The following OSBPL9 variants were observed in gnomAD, a reference collection of about 807,000 sequenced individuals.
The protein encoded by OSBPL9 is oxysterol-binding protein-related protein 9.
Under a neutral mutation model 106.6 loss-of-function variants are expected in OSBPL9, and 40 were observed. The ratio of observed to expected loss-of-function variants is 0.38; its 90% CI spans 0.29 to 0.49. The LOEUF (loss-of-function observed/expected upper bound fraction) is 0.49, where lower values mean the gene tolerates loss of function less well. Ranked by LOEUF, OSBPL9 falls within the 20% of genes least tolerant of loss-of-function variation. The pLI, the probability that OSBPL9 is intolerant of heterozygous loss-of-function variation, is 0.97. For missense variants in OSBPL9, 609 were observed against 887.2 expected, an observed-to-expected ratio of 0.69 and a Z score of 3.98; for synonymous variants, 269 against 295.4, an observed-to-expected ratio of 0.91 and a Z score of 0.92.
At chr1:51,547,640 T>G in the OSBPL9 span, among the ~76,000 whole-genome samples, 1 of 152,084 alleles carries the variant, frequency 6.6e-6, no homozygotes, top group African/African-American at 2.4e-5. Context: ...GCCGAGGAGT[T>G]TGAAACCAGC....
chr1:51,540,685 TGTG>T, the OSBPL9 span, among the ~76,000 whole-genome samples: 17,350 of 147,382 alleles, frequency 0.12, 1,036 homozygotes, highest in Middle Eastern at 0.17. Context: ...GTTGGCCAGG[TGTG>T]GTGGCTCACG....
At chr1:51,542,871 T>C in the OSBPL9 span, among the ~76,000 whole-genome samples, 1 of 152,200 alleles carries the variant, frequency 6.6e-6, no homozygotes, top group African/African-American at 2.4e-5. Flanking sequence ...TCCACTTCCT[T>C]ATCGGTAAAA....
At chr1:51,617,323 T>C in intron 1 of OSBPL9, 102 bp downstream of exon 1, 1 of 1,190,556 alleles carries the variant, frequency 8.4e-7, no homozygotes, top group South Asian at 1.6e-5. Flanking sequence ...GTTGCTAGTC[T>C]GGGGGTGCCG....
rs139228132 is a variant in OSBPL9, at chr1:51,725,425, A to G, written c.318+11346A>G. ...CAATTCCAACATCCCTGCAACATCCAAGTCTAGTTTCGATGCTTACTGTGT... is the reference window on the plus strand; with the variant it reads ...CAATTCCAACATCCCTGCAACATCCGAGTCTAGTTTCGATGCTTACTGTGT... On this transcript the variant is annotated intron_variant, in intron 4 of 23. Coordinates refer to ENST00000428468, the MANE Select transcript of OSBPL9 (RefSeq NM_024586.6). Among the ~76,000 whole-genome samples, 857 of 152,256 alleles carry G rather than the reference A, an allele frequency of 5.6e-3. 2 individuals are homozygous for G. The highest frequency in any genetic ancestry group is 0.02 in the African/African-American group (812 of 41,528).
At chr1:51,526,472 T>G in the OSBPL9 span, among the ~76,000 whole-genome samples, 2 of 152,168 alleles carry the variant, frequency 1.3e-5, no homozygotes, top group South Asian at 4.1e-4. Context: ...AATGAGGATA[T>G]TCTTACTTCT....
chr1:51,718,112 A>G (rs532223844), intron 4 of OSBPL9, among the ~76,000 whole-genome samples: 4 of 152,356 alleles, frequency 2.6e-5, no homozygotes, highest in African/African-American at 9.6e-5. Context: ...GACAGGCACA[A>G]ACTTCACATG....
intron 1 of OSBPL9, among the ~76,000 whole-genome samples, chr1:51,635,512 A>G (rs1432891674): frequency 6.6e-6 from 1 of 152,184 alleles, no homozygotes; most frequent in Non-Finnish European, 1.5e-5. Flanking sequence ...CTATCTCAAA[A>G]TATGCCAAAG....
chr1:51,708,702 G>A (rs1479261633), intron 3 of OSBPL9, among the ~76,000 whole-genome samples: 1 of 151,726 alleles, frequency 6.6e-6, no homozygotes, highest in African/African-American at 2.4e-5. Flanking sequence ...TCGTATATTC[G>A]ATTTCTTTTT....
chr1:51,580,461 C>T (rs966837641), intron 1 of OSBPL9, among the ~76,000 whole-genome samples: 2 of 152,166 alleles, frequency 1.3e-5, no homozygotes, highest in African/African-American at 4.8e-5. Context: ...AGCAGGTCCT[C>T]TATTTATCTT....
the OSBPL9 span, among the ~76,000 whole-genome samples, chr1:51,524,393 T>A: frequency 6.6e-6 from 1 of 152,204 alleles, no homozygotes; most frequent in Non-Finnish European, 1.5e-5. Context: ...CTTTGGTGAC[T>A]TTGCAGAAGT....
intron 3 of OSBPL9, among the ~76,000 whole-genome samples, chr1:51,693,270 G>C (rs939029606): frequency 6.6e-6 from 1 of 151,822 alleles, no homozygotes; most frequent in African/African-American, 2.4e-5. Context: ...CACTTAGGAG[G>C]CTGAAGCAGG....
chr1:51,758,165 A>G (rs1201738547), intron 9 of OSBPL9, among the ~76,000 whole-genome samples: 5 of 152,170 alleles, frequency 3.3e-5, no homozygotes, highest in Non-Finnish European at 7.4e-5. Flanking sequence ...CATGTTGTCA[A>G]AAGACAAAAT....
chr1:51,533,437 A>C, the OSBPL9 span, among the ~76,000 whole-genome samples: 1 of 150,494 alleles, frequency 6.6e-6, no homozygotes, highest in Non-Finnish European at 1.5e-5. Context: ...GGTGAGTGGA[A>C]ATTGCACCAC....
At chr1:51,786,741 C>A in intron 22 of OSBPL9, 124 bp downstream of exon 22, 1 of 697,502 alleles carries the variant, frequency 1.4e-6, no homozygotes, top group Non-Finnish European at 2.4e-6. Context: ...GTTTGAATTC[C>A]TGGGTTCGTA....
intron 1 of OSBPL9, among the ~76,000 whole-genome samples, chr1:51,629,604 C>T (rs1162994533): frequency 1.3e-5 from 2 of 152,050 alleles, no homozygotes; most frequent in East Asian, 3.8e-4. Flanking sequence ...TTTGGAGGTT[C>T]GCTGAAATGC....
At chr1:51,556,908 T>C in the OSBPL9 span, among the ~76,000 whole-genome samples, 1 of 148,846 alleles carries the variant, frequency 6.7e-6, no homozygotes, top group African/African-American at 2.4e-5. Flanking sequence ...GCACAAAAGA[T>C]GGCTATAGAC....
the OSBPL9 span, among the ~76,000 whole-genome samples, chr1:51,539,318 C>T: frequency 6.6e-6 from 1 of 152,138 alleles, no homozygotes; most frequent in Non-Finnish European, 1.5e-5. Context: ...TTCCATTTTC[C>T]TCAACCCCCA....
chr1:51,626,014 G>T (rs1204179877), intron 1 of OSBPL9, among the ~76,000 whole-genome samples: 1 of 152,012 alleles, frequency 6.6e-6, no homozygotes, highest in African/African-American at 2.4e-5. Context: ...TTCCATTGAG[G>T]CCCCATGATA....
intron 9 of OSBPL9, chr1:51,759,785 C>G (rs1671114076): frequency 6.6e-6 from 1 of 151,998 alleles, no homozygotes; most frequent in African/African-American, 2.4e-5. Flanking sequence ...ACTTTTCTCC[C>G]CTCTAAAATT....
Sources: gnomAD v4.1 joint callset for allele counts (sites outside exome capture counted in the v4.1 genomes callset) on GRCh38, gnomAD v4.1.1 for gene constraint, MANE v1.5 for transcripts, NCBI Gene and HGNC (gene_info 2026-07-23, HGNC 2026-07-21) for gene names.